TXNRD3: variants seen among roughly 807,000 people sequenced by gnomAD.
TXNRD3 encodes TXNRD3 neighbor gene protein.
Under a neutral mutation model 78.2 loss-of-function variants are expected in TXNRD3, and 68 were observed. The ratio of observed to expected loss-of-function variants is 0.87; its 90% CI spans 0.72 to 1.06. The LOEUF is 1.06. TXNRD3 is among the 50% of genes least tolerant of loss of function. TXNRD3 has a pLI of 0.00. For missense variants in TXNRD3, 751 were observed against 809.5 expected (o/e 0.93, Z 0.88); for synonymous variants, 296 against 300.1 (o/e 0.99, Z 0.14).
intron 3 of TXNRD3, among the ~76,000 whole-genome samples, chr3:126,645,254 A>G (rs370529391): frequency 6.6e-6 from 1 of 152,202 alleles, no homozygotes; most frequent in East Asian, 1.9e-4. Flanking sequence ...CCTCCTCAGA[A>G]TCTGCCATCC....
intron 5 of TXNRD3, among the ~76,000 whole-genome samples, chr3:126,642,526 C>A (rs1466844894): frequency 1.3e-5 from 2 of 152,248 alleles, no homozygotes; most frequent in African/African-American, 4.8e-5. Flanking sequence ...ACGTTGTCAA[C>A]TGCAAGCTGC....
At chr3:126,610,602 G>T (rs1938178384) in intron 14 of TXNRD3, among the ~76,000 whole-genome samples, 1 of 152,182 alleles carries the variant, frequency 6.6e-6, no homozygotes, top group Admixed American at 6.5e-5. Flanking sequence ...TTTATAAAAT[G>T]CATACATACA....
At chr3:126,653,340 T>A (rs1576300032) in intron 1 of TXNRD3, among the ~76,000 whole-genome samples, 1 of 152,050 alleles carries the variant, frequency 6.6e-6, no homozygotes, top group Admixed American at 6.5e-5. Flanking sequence ...ATCCTAAATA[T>A]ATAAAGAATA....
intron 10 of TXNRD3, chr3:126,626,082 A>C (rs1035974392): frequency 6.6e-6 from 1 of 152,216 alleles, no homozygotes; most frequent in South Asian, 2.1e-4. Flanking sequence ...CAAAACCAAA[A>C]GCAACTTAAA....
At chr3:126,654,609 AGAG>A (rs1324247529) in intron 1 of TXNRD3, 136 bp downstream of exon 1, 1 of 358,910 alleles carries the variant, frequency 2.8e-6, no homozygotes, top group Non-Finnish European at 4.5e-6. Flanking sequence ...ACGACCGGGG[AGAG>A]GAGAGGACGG....
chr3:126,612,588 T>C (rs1000512032), intron 13 of TXNRD3, among the ~76,000 whole-genome samples: 1 of 151,920 alleles, frequency 6.6e-6, no homozygotes, highest in Non-Finnish European at 1.5e-5. Context: ...TCTTACCAGG[T>C]TTTAAACATG....
chr3:126,625,940 C>T (rs1286154557), intron 10 of TXNRD3: 2 of 152,776 alleles, frequency 1.3e-5, no homozygotes, highest in Non-Finnish European at 2.9e-5. Flanking sequence ...CAAAACAAAG[C>T]TGCAGAATGG....
rs747956739 is a variant in TXNRD3 at position 126,615,409 on chromosome 3, G to A, written c.1578C>T (p.Cys526=). 13 of 1,520,754 alleles carry A rather than the reference G, an allele frequency of 8.5e-6. No individual in the cohort carries two copies. 94.2% of individuals were successfully genotyped at this position (1,520,754 alleles called of 1,614,324 possible). The stretch of plus-strand genomic sequence containing the variant: ...TAGCTTTCTCTTCAGATAATCCACA[G>A]CAACCATACTCCAGAGGAGTAAACA... Residue 526 remains cysteine, a synonymous_variant, in exon 13 of 16, where the codon TGC becomes TGT. Transcript: ENST00000524230.
rs1185665150 is a variant in TXNRD3, at chr3:126,607,131, C to G, written c.*774G>C. ...TTTCACAGATAAATTAGTTAGATTT[C>G]ACATAATACAGTATTAAAAACTTTT... is the stretch of plus-strand genomic sequence containing the variant. On this transcript the variant is annotated 3_prime_UTR_variant, in exon 16 of 16. Transcript: ENST00000524230. 6.6e-6 allele frequency: 1 copy of G among 152,170 alleles called. No homozygotes were observed. The highest frequency in any genetic ancestry group is 6.5e-5 in the Admixed American group (1 of 15,272). 9.4% of individuals were successfully genotyped at this position (152,170 alleles called of 1,614,324 possible).
At chr3:126,652,858 A>G (rs1933421810) in intron 1 of TXNRD3, among the ~76,000 whole-genome samples, 1 of 152,256 alleles carries the variant, frequency 6.6e-6, no homozygotes, top group South Asian at 2.1e-4. Context: ...TTCATCAAGT[A>G]GACAATAATC....
intron 10 of TXNRD3, among the ~76,000 whole-genome samples, chr3:126,627,522 C>G (rs186614352): frequency 6.6e-6 from 1 of 152,232 alleles, no homozygotes; most frequent in African/African-American, 2.4e-5. Flanking sequence ...CACCTAGGAT[C>G]TGTGGATTTC....
chr3:126,646,597 A>G (rs896688385), intron 2 of TXNRD3, among the ~76,000 whole-genome samples: 2 of 152,226 alleles, frequency 1.3e-5, no homozygotes, highest in Non-Finnish European at 2.9e-5. Context: ...TCATAGTCCA[A>G]TATTTATCTT....
At chr3:126,612,571 C>T (rs1016453845) in intron 13 of TXNRD3, among the ~76,000 whole-genome samples, 2 of 152,016 alleles carry the variant, frequency 1.3e-5, no homozygotes, top group East Asian at 1.9e-4. Context: ...CTCTGCCTCC[C>T]GGGTTCTCTT....
At chr3:126,613,283 C>T (rs1092108) in intron 13 of TXNRD3, among the ~76,000 whole-genome samples, 143,632 of 152,240 alleles carry the variant, frequency 0.94, 67,856 homozygotes, top group Middle Eastern at 0.98. Flanking sequence ...TTTATTGATT[C>T]GGCTCTATGC....
At chr3:126,645,564 T>A (rs890884301) in intron 3 of TXNRD3, among the ~76,000 whole-genome samples, 1 of 152,244 alleles carries the variant, frequency 6.6e-6, no homozygotes, top group Non-Finnish European at 1.5e-5. Flanking sequence ...TTACTCATAT[T>A]GTATACATAT....
Position 126,634,555 on chromosome 3 carries a change from C to T in TXNRD3, c.713-504G>A, listed in dbSNP as rs73859558. 3.5e-3 allele frequency among the ~76,000 whole-genome samples: 534 copies of T among 152,228 alleles called. 4 individuals carry two copies. Among genetic ancestry groups the T allele is most frequent in the African/African-American group, 0.012 (495 of 41,532 alleles). ...ATGTCTTTACAACAAATATGGTTCA[C>T]GCTCACCACTGCCAACCTTCAATAT... On this transcript the variant is annotated intron_variant, in intron 6 of 15. Transcript: ENST00000524230.
intron 7 of TXNRD3, among the ~76,000 whole-genome samples, chr3:126,632,977 G>A (rs1465000575): frequency 1.3e-5 from 2 of 152,274 alleles, no homozygotes; most frequent in African/African-American, 4.8e-5. Flanking sequence ...CAGGCAATTT[G>A]AGAAACACAA....
chr3:126,650,655 G>C (rs1432044809), intron 1 of TXNRD3, among the ~76,000 whole-genome samples: 1 of 150,758 alleles, frequency 6.6e-6, no homozygotes, highest in Non-Finnish European at 1.5e-5. Flanking sequence ...AAAAAAAAAA[G>C]ACCTCCCTAA....
In TXNRD3 at chr3:126,630,864, ACTCCAGG is replaced by A; in HGVS notation, c.1038_1044del (p.Leu347ValfsTer10). On this transcript the variant is annotated frameshift_variant, in exon 9 of 16. Coordinates refer to ENST00000524230, the MANE Select transcript of TXNRD3 (RefSeq NM_052883.3). LOFTEE classifies it high-confidence loss of function. Reference sequence around the variant, plus strand: ...CCAAAGCCAGCCAGAAACCCTGCACACTCCAGGGCAACATAAGAGGCACCCACCACTA... The same window carrying A: ...CCAAAGCCAGCCAGAAACCCTGCACAGCAACATAAGAGGCACCCACCACTA... The A allele has an allele frequency of 1.3e-6, 2 of 1,535,908 alleles. No homozygotes were observed. The highest frequency in any genetic ancestry group is 2.7e-5 in the African/African-American group (2 of 73,068).
Sources: gnomAD v4.1 joint callset for allele counts (sites outside exome capture counted in the v4.1 genomes callset) on GRCh38, gnomAD v4.1.1 for gene constraint, MANE v1.5 for transcripts, NCBI Gene and HGNC (gene_info 2026-07-23, HGNC 2026-07-21) for gene names.